The following BIRC6 variants were observed in gnomAD, a reference collection of about 807,000 sequenced individuals.
BIRC6 encodes dual E2 ubiquitin-conjugating enzyme/E3 ubiquitin-protein ligase BIRC6.
BIRC6 carries 98 observed loss-of-function variants against 503.3 expected under a neutral mutation model. That is an observed-to-expected ratio of 0.19 (90% CI 0.17 to 0.23). The LOEUF is 0.23. Among genes scored for constraint, BIRC6 ranks in the 10% least tolerant of loss-of-function variants. The pLI, the probability that BIRC6 is intolerant of heterozygous loss-of-function variation, is 1.00. For synonymous variants in BIRC6, 2,240 were observed against 2,078.7 expected (o/e 1.08, Z -2.11); for missense variants, 5,360 against 5,806.0 (o/e 0.92, Z 2.50).
chr2:32,362,353 T>A lies in BIRC6; in HGVS notation c.325+4867T>A, dbSNP rs185991753. On this transcript the variant is annotated intron_variant, in intron 1 of 73. Transcript: ENST00000421745. ...TTTTTTGAGACAGAGTCTCGCTCTG[T>A]CGCCCAGGCTGGAGTGCAGTGGTGT... 2.6e-5 allele frequency among the ~76,000 whole-genome samples: 4 copies of A among 151,272 alleles called. No individual in the cohort carries two copies. The East Asian group carries it at 7.7e-4, about 29-fold the overall frequency.
At chr2:32,400,149 C>T (rs558500236) in intron 6 of BIRC6, among the ~76,000 whole-genome samples, 1 of 152,066 alleles carries the variant, frequency 6.6e-6, no homozygotes, top group Admixed American at 6.6e-5. Context: ...TCTTCTCGCT[C>T]AGTAAGCATT....
intron 61 of BIRC6, among the ~76,000 whole-genome samples, chr2:32,541,311 A>G (rs2150232864): frequency 6.6e-6 from 1 of 152,170 alleles, no homozygotes; most frequent in East Asian, 1.9e-4. Flanking sequence ...GCTATTTCAT[A>G]TTGTCATTCT....
chr2:32,375,492 CAAAA>C (rs562302801), intron 1 of BIRC6, among the ~76,000 whole-genome samples: 1 of 151,594 alleles, frequency 6.6e-6, no homozygotes, highest in Non-Finnish European at 1.5e-5. Context: ...AACAAACAAA[CAAAA>C]AAAACCCCCA....
chr2:32,525,694 G>A, intron 59 of BIRC6, 66 bp downstream of exon 59: 1 of 1,472,672 alleles, frequency 6.8e-7, no homozygotes, highest in Non-Finnish European at 9.2e-7. Context: ...TAAATCAGAG[G>A]CACAGTCACC....
intron 3 of BIRC6, among the ~76,000 whole-genome samples, chr2:32,381,350 C>T (rs535773412): frequency 1.3e-5 from 2 of 152,286 alleles, no homozygotes; most frequent in African/African-American, 4.8e-5. Flanking sequence ...AGTGATTCTC[C>T]TGCCTCAGTC....
chr2:32,454,466 C>T (rs1350618977), intron 23 of BIRC6, among the ~76,000 whole-genome samples: 2 of 138,360 alleles, frequency 1.4e-5, no homozygotes, highest in African/African-American at 5.3e-5. Context: ...TATTTTCTTT[C>T]TTGTTTTCTG....
At chr2:32,606,680 G>C (rs1249384401) in intron 71 of BIRC6, among the ~76,000 whole-genome samples, 1 of 151,948 alleles carries the variant, frequency 6.6e-6, no homozygotes, top group Admixed American at 6.6e-5. Flanking sequence ...ATGGTCTCAG[G>C]CATAGTTTTT....
chr2:32,508,594 C>T (rs1178063040), intron 51 of BIRC6, among the ~76,000 whole-genome samples: 1 of 152,048 alleles, frequency 6.6e-6, no homozygotes, highest in East Asian at 1.9e-4. Context: ...CAGCCTATGA[C>T]ATCTGAACCA....
intron 72 of BIRC6, among the ~76,000 whole-genome samples, chr2:32,610,426 T>A (rs962196637): frequency 5.9e-5 from 9 of 152,210 alleles, no homozygotes; most frequent in African/African-American, 2.2e-4. Flanking sequence ...ATAAGGAAAT[T>A]TAACTTCCTA....
intron 23 of BIRC6, among the ~76,000 whole-genome samples, chr2:32,455,506 A>G (rs1158957831): frequency 6.6e-6 from 1 of 152,064 alleles, no homozygotes; most frequent in Non-Finnish European, 1.5e-5. Context: ...ACCTGCCTGT[A>G]GTCCCAGCTT....
intron 47 of BIRC6, among the ~76,000 whole-genome samples, chr2:32,502,466 A>G (rs915724380): frequency 2.6e-5 from 4 of 152,126 alleles, no homozygotes; most frequent in African/African-American, 9.7e-5. Flanking sequence ...ATTTTTGTAA[A>G]CATTTGTTGA....
At chr2:32,465,277 G>A (rs1184266408) in intron 26 of BIRC6, 113 bp downstream of exon 26, 35 of 578,438 alleles carry the variant, frequency 6.1e-5, no homozygotes, top group Admixed American at 8.9e-5. Flanking sequence ...TTTGCAAATC[G>A]CGTTTCCTCT....
chr2:32,500,737 C>G (rs2053086236), intron 46 of BIRC6, among the ~76,000 whole-genome samples: 1 of 151,434 alleles, frequency 6.6e-6, no homozygotes. Context: ...TCCCAAGTAG[C>G]TGGGATTACA....
chr2:32,552,985 C>T (rs2058526915), intron 65 of BIRC6, among the ~76,000 whole-genome samples: 1 of 148,880 alleles, frequency 6.7e-6, no homozygotes, highest in Admixed American at 6.7e-5. Context: ...ACCGTTTAAC[C>T]TACTGACTAT....
chr2:32,402,358 A>G (rs2040701459), intron 8 of BIRC6, among the ~76,000 whole-genome samples: 2 of 152,110 alleles, frequency 1.3e-5, no homozygotes, highest in African/African-American at 4.8e-5. Context: ...GAGCTATTTA[A>G]CTGTGATCAG....
At chr2:32,509,086 G>A (rs949995746) in intron 51 of BIRC6, among the ~76,000 whole-genome samples, 3 of 151,688 alleles carry the variant, frequency 2.0e-5, no homozygotes, top group South Asian at 2.1e-4. Flanking sequence ...AAAGAATTTA[G>A]GATTTCTATT....
intron 1 of BIRC6, among the ~76,000 whole-genome samples, chr2:32,375,143 A>G (rs1173164890): frequency 6.6e-6 from 1 of 152,174 alleles, no homozygotes; most frequent in Non-Finnish European, 1.5e-5. Context: ...TTTTAGATTA[A>G]TCAGTGCTCG....
At chr2:32,605,902 C>G (rs570978593) in intron 71 of BIRC6, among the ~76,000 whole-genome samples, 3 of 152,222 alleles carry the variant, frequency 2.0e-5, no homozygotes, top group African/African-American at 4.8e-5. Flanking sequence ...ATCTTTATCT[C>G]AGAAATAATA....
chr2:32,527,386 CTTCA>C (rs2056366852), intron 59 of BIRC6: 2 of 152,198 alleles, frequency 1.3e-5, no homozygotes, highest in Admixed American at 6.5e-5. Context: ...TCAGATGTGA[CTTCA>C]TTAATTCAGC....
Sources: gnomAD v4.1 joint callset for allele counts (sites outside exome capture counted in the v4.1 genomes callset) on GRCh38, gnomAD v4.1.1 for gene constraint, MANE v1.5 for transcripts, NCBI Gene and HGNC (gene_info 2026-07-23, HGNC 2026-07-21) for gene names.